The following FOXP2 variants were observed in gnomAD, a reference collection of about 807,000 sequenced individuals.
The protein encoded by FOXP2 is forkhead box protein P2.
Under a neutral mutation model 115.8 loss-of-function variants are expected in FOXP2, and 12 were observed. That is an observed-to-expected ratio of 0.10 (90% CI 0.07 to 0.17). The LOEUF is 0.17. Ranked by LOEUF, FOXP2 falls within the 10% of genes least tolerant of loss-of-function variation. FOXP2 has a pLI of 1.00. For synonymous variants in FOXP2, 328 were observed against 297.7 expected (o/e 1.10, Z -1.05); for missense variants, 629 against 843.5 (o/e 0.75, Z 3.15).
chr7:114,385,180 G>C (rs186503550), intron 2 of FOXP2, among the ~76,000 whole-genome samples: 1 of 151,936 alleles, frequency 6.6e-6, no homozygotes, highest in African/African-American at 2.4e-5. Flanking sequence ...GGATACCAGG[G>C]ATAAGACTCC....
chr7:114,086,847 T>C (rs2129138135), upstream of FOXP2, among the ~76,000 whole-genome samples: 1 of 152,290 alleles, frequency 6.6e-6, no homozygotes, highest in South Asian at 2.1e-4. Flanking sequence ...TGTTGTTCTC[T>C]TTCATTTTGC....
chr7:114,219,845 T>C (rs1004542674), intron 1 of FOXP2, among the ~76,000 whole-genome samples: 1 of 146,006 alleles, frequency 6.8e-6, no homozygotes, highest in Non-Finnish European at 1.5e-5. Flanking sequence ...TCTGTGAGGG[T>C]TTTTTTTTTG....
intron 1 of FOXP2, among the ~76,000 whole-genome samples, chr7:114,245,746 TG>T (rs1279923612): frequency 2.0e-5 from 3 of 152,170 alleles, no homozygotes; most frequent in Non-Finnish European, 1.5e-5. Flanking sequence ...TTATAAGACT[TG>T]TACATGTGTT....
At chr7:114,561,539 T>C (rs1427129401) in intron 3 of FOXP2, 2 of 152,204 alleles carry the variant, frequency 1.3e-5, no homozygotes, top group African/African-American at 4.8e-5. Flanking sequence ...TTGAATAATT[T>C]CTTCTCTTAA....
At chr7:114,157,271 G>A (rs1792696776) in intron 1 of FOXP2, among the ~76,000 whole-genome samples, 1 of 152,054 alleles carries the variant, frequency 6.6e-6, no homozygotes, top group Non-Finnish European at 1.5e-5. Context: ...GTATTACATA[G>A]TAGATTGCAT....
chr7:114,224,681 T>A (rs929626336), intron 1 of FOXP2, among the ~76,000 whole-genome samples: 3 of 152,162 alleles, frequency 2.0e-5, no homozygotes, highest in African/African-American at 7.2e-5. Context: ...TGGATACTCT[T>A]GTTTCATTCC....
At chr7:114,377,215 T>G (rs559195800) in intron 2 of FOXP2, among the ~76,000 whole-genome samples, 1 of 152,254 alleles carries the variant, frequency 6.6e-6, no homozygotes, top group South Asian at 2.1e-4. Context: ...GAATTCAAGG[T>G]GGATTGGAAA....
At chr7:114,382,975 A>T (rs1488920141) in intron 2 of FOXP2, among the ~76,000 whole-genome samples, 2 of 152,010 alleles carry the variant, frequency 1.3e-5, no homozygotes, top group Non-Finnish European at 2.9e-5. Flanking sequence ...CCATGTTCTG[A>T]TTCTGTGTCC....
chr7:114,448,882 T>C (rs1794951755), intron 2 of FOXP2, among the ~76,000 whole-genome samples: 1 of 152,166 alleles, frequency 6.6e-6, no homozygotes, highest in Non-Finnish European at 1.5e-5. Flanking sequence ...TAAAATTGTG[T>C]ATGCTGTGAA....
At chr7:114,499,473 A>T (rs546414974) in intron 2 of FOXP2, 1 of 152,354 alleles carries the variant, frequency 6.6e-6, no homozygotes, top group South Asian at 2.1e-4. Flanking sequence ...GCTACCTAAG[A>T]TCCCATTGGG....
At chr7:114,568,037 A>C (rs548348164) in intron 3 of FOXP2, among the ~76,000 whole-genome samples, 1 of 152,074 alleles carries the variant, frequency 6.6e-6, no homozygotes, top group Non-Finnish European at 1.5e-5. Flanking sequence ...TCTTCAGTAA[A>C]GTTTAGATTA....
intron 1 of FOXP2, among the ~76,000 whole-genome samples, chr7:114,169,109 A>G (rs1294052720): frequency 1.3e-5 from 2 of 152,180 alleles, no homozygotes; most frequent in East Asian, 3.9e-4. Flanking sequence ...GCAGTGCAGA[A>G]GGGAAATGTG....
chr7:114,417,044 G>C (rs1015620131), intron 1 of FOXP2, among the ~76,000 whole-genome samples: 1 of 151,960 alleles, frequency 6.6e-6, no homozygotes, highest in African/African-American at 2.4e-5. Context: ...ATGAAGGCAA[G>C]TAAGGCATGG....
intron 2 of FOXP2, among the ~76,000 whole-genome samples, chr7:114,391,111 C>T (rs1048469939): frequency 2.6e-5 from 4 of 151,804 alleles, no homozygotes; most frequent in Admixed American, 6.6e-5. Flanking sequence ...CGCTTGAACC[C>T]GGGAGGCGGA....
rs142199218 is a variant in FOXP2, at chr7:114,658,258, A to G, written c.1459A>G (p.Met487Val). 215 of 1,613,676 alleles carry G rather than the reference A, an allele frequency of 1.3e-4. No individual in the cohort carries two copies. The highest frequency in any genetic ancestry group is 1.7e-4 in the Non-Finnish European group (203 of 1,179,794). ...ACATTCAGACAAATACAACATTCCC[A>G]TGTCATCAGGTAGGATATGAATGCT... ...RRHSDKYNIP[M>V]SSEIAPNYEF... Residue 487 changes from methionine (M) to valine (V), a missense_variant, in exon 11 of 17, where the codon ATG (methionine) becomes GTG (valine). By Grantham distance (21) the Met-to-Val change is conservative (BLOSUM62 1). Around this residue, in one of 9 missense-constraint regions of FOXP2, gnomAD observed 101 missense variants for 116.0 expected, o/e 0.87. Coordinates refer to ENST00000350908, the MANE Select transcript of FOXP2 (RefSeq NM_014491.4).
intron 3 of FOXP2, among the ~76,000 whole-genome samples, chr7:114,543,826 T>C (rs1392079831): frequency 3.3e-5 from 5 of 152,202 alleles, no homozygotes; most frequent in Non-Finnish European, 5.9e-5. Flanking sequence ...TTGCCATCTC[T>C]CATCTATGTT....
At chr7:114,086,474 C>T (rs1005093812), upstream of FOXP2, 16 of 327,310 alleles carry the variant, frequency 4.9e-5, no homozygotes, top group Middle Eastern at 1.9e-3. Context: ...CTTCCTCGGC[C>T]CCCCCCCTCC....
intron 16 of FOXP2, chr7:114,666,723 G>C (rs1563069323): frequency 6.6e-6 from 1 of 152,148 alleles, no homozygotes; most frequent in Non-Finnish European, 1.5e-5. Flanking sequence ...TCAGAACATA[G>C]GTTGTAATGC....
intron 11 of FOXP2, 148 bp from the exon 12 acceptor site, chr7:114,659,208 A>T: frequency 1.5e-6 from 1 of 668,608 alleles, no homozygotes; most frequent in Non-Finnish European, 2.7e-6. Flanking sequence ...TTTTCCATAT[A>T]ATTCAATTCC....
Sources: allele counts gnomAD v4.1 joint callset (sites outside exome capture counted in the v4.1 genomes callset), GRCh38; gene constraint gnomAD v4.1.1; regional missense constraint gnomAD v4.1.1; transcripts MANE v1.5; gene names NCBI Gene and HGNC (gene_info 2026-07-23, HGNC 2026-07-21).